Variants in PDPR observed in about 807,000 individuals in gnomAD.
The protein encoded by PDPR is pyruvate dehydrogenase phosphatase regulatory subunit, also known as pyruvate dehydrogenase phosphatase regulatory subunit, mitochondrial.
Under a neutral mutation model 102.2 loss-of-function variants are expected in PDPR, and 50 were observed. The observed-to-expected ratio is 0.49, with a 90% confidence interval of 0.39 to 0.62. PDPR has a LOEUF of 0.62. Ranked by LOEUF, PDPR falls within the 20% of genes least tolerant of loss-of-function variation. The pLI is 0.00. For missense variants in PDPR, 625 were observed against 1,098.2 expected, an observed-to-expected ratio of 0.57 and a Z score of 6.09; for synonymous variants, 259 against 406.0, an observed-to-expected ratio of 0.64 and a Z score of 4.35.
At chr16:70,132,399 A>G in intron 9 of PDPR, 99 bp downstream of exon 9, 2 of 1,246,862 alleles carry the variant, frequency 1.6e-6, no homozygotes, top group Non-Finnish European at 2.3e-6. Context: ...AATGTTTATA[A>G]CATCGCCATG....
At chr16:70,144,103 G>C (rs1966014379) in intron 14 of PDPR, among the ~76,000 whole-genome samples, 1 of 151,936 alleles carries the variant, frequency 6.6e-6, no homozygotes, top group Admixed American at 6.6e-5. Context: ...CATTGCCCAG[G>C]CTGATCTTGA....
intron 9 of PDPR, among the ~76,000 whole-genome samples, chr16:70,132,936 C>T (rs1964691894): frequency 6.6e-6 from 1 of 152,204 alleles, no homozygotes; most frequent in Non-Finnish European, 1.5e-5. Flanking sequence ...CATCAGCCTC[C>T]CAAGTAGCTG....
intron 13 of PDPR, among the ~76,000 whole-genome samples, chr16:70,142,919 G>A (rs1045494944): frequency 2.6e-5 from 4 of 152,246 alleles, no homozygotes; most frequent in Non-Finnish European, 5.9e-5. Context: ...ATTAAGGCCA[G>A]GAGTGGTGGC....
At chr16:70,137,156 C>T (rs1264156832) in intron 10 of PDPR, among the ~76,000 whole-genome samples, 3 of 152,202 alleles carry the variant, frequency 2.0e-5, no homozygotes, top group Non-Finnish European at 4.4e-5. Context: ...ATCGAGACCA[C>T]TCTGGCTAAC....
At chr16:70,135,995 GGA>G (rs1234531200) in intron 9 of PDPR, among the ~76,000 whole-genome samples, 197 bp from the exon 10 acceptor site, 2 of 152,056 alleles carry the variant, frequency 1.3e-5, no homozygotes, top group African/African-American at 4.8e-5. Flanking sequence ...CTTGAACCTG[GGA>G]GGCAGAGGTT....
At position 70,120,687 on chromosome 16, in the gene PDPR, G is replaced by T. The variant is rs370282103; in HGVS notation, c.195G>T (p.Gly65=). ...TSVAYHLSKM[G]WKDIVLLEQG... is the part of the protein sequence containing the mutation. Reference sequence around the variant, plus strand: ...TGGCCTATCACCTCTCCAAAATGGGGTGGAAGGATATTGTCCTTTTGGAGC... The same window carrying T: ...TGGCCTATCACCTCTCCAAAATGGGTTGGAAGGATATTGTCCTTTTGGAGC... Residue 65 remains glycine, a synonymous_variant, in exon 3 of 19, where the codon GGG becomes GGT. Transcript: ENST00000288050. 1.6e-5 allele frequency: 26 copies of T among 1,613,302 alleles called. No homozygotes were observed. The highest frequency in any genetic ancestry group is 2.2e-5 in the Non-Finnish European group (26 of 1,179,412).
chr16:70,141,696 A>G (rs1425801556), intron 11 of PDPR, among the ~76,000 whole-genome samples: 1 of 152,296 alleles, frequency 6.6e-6, no homozygotes, highest in Non-Finnish European at 1.5e-5. Flanking sequence ...AGGCCGAGTC[A>G]TGCCGTGACA....
intron 3 of PDPR, among the ~76,000 whole-genome samples, chr16:70,124,916 C>A (rs929773978): frequency 2.0e-5 from 3 of 152,296 alleles, no homozygotes; most frequent in Admixed American, 6.5e-5. Flanking sequence ...TAGAACCCCC[C>A]ACCTGCTTTC....
At position 70,156,618 on chromosome 16, in the gene PDPR, G is replaced by A. The variant is rs1967235516; in HGVS notation, c.2379G>A (p.Gly793=). The A allele has an allele frequency of 2.5e-6, 4 of 1,613,984 alleles. No homozygotes were observed. In the East Asian group the frequency reaches 6.7e-5, roughly 27 times the overall value. ...GGGGAGAGCCCATTTACCGGAATGG[G>A]CAGTATGTTGGCAAGACCACCAGCA... The part of the protein sequence containing the change: ...PWWGEPIYRN[G]QYVGKTTSSA... Residue 793 remains glycine (G), a synonymous_variant, in exon 19 of 19, where the codon GGG becomes GGA. Transcript: ENST00000288050.
chr16:70,153,586 C>G lies in PDPR; in HGVS notation c.2235+13C>G. The stretch of plus-strand genomic sequence containing the variant: ...GAAATTAGAGAAGGTACTGTGTTTA[C>G]CCAGACTCCACTTTCACTCAGCATC... On this transcript the variant is annotated intron_variant, in intron 18 of 18. Coordinates refer to ENST00000288050, the MANE Select transcript of PDPR (RefSeq NM_017990.5). 1 of 1,585,890 alleles carries G rather than the reference C, an allele frequency of 6.3e-7. No homozygotes were observed. Among genetic ancestry groups the G allele is most frequent in the Non-Finnish European group, 8.6e-7 (1 of 1,166,938 alleles).
rs1420223986 is a variant in PDPR at position 70,159,374 on chromosome 16, G to A, written c.*2495G>A. On this transcript the variant is annotated 3_prime_UTR_variant, in exon 19 of 19. Transcript: ENST00000288050. ...AGGAGGATGGGGGGCTGAGCACTCAGGCTGTCCATTGAAACCCCTTGTCCA... is the reference window on the plus strand; with the variant it reads ...AGGAGGATGGGGGGCTGAGCACTCAAGCTGTCCATTGAAACCCCTTGTCCA... 1 of 152,536 alleles carries A rather than the reference G, an allele frequency of 6.6e-6. No homozygotes were observed. The highest frequency in any genetic ancestry group is 2.4e-5 in the African/African-American group (1 of 41,478). 9.4% of individuals were successfully genotyped at this position (152,536 alleles called of 1,614,324 possible). A position where few individuals can be genotyped will look rare whatever the true frequency, so the allele number is the denominator to read the frequency against.
At chr16:70,120,222 T>C (rs1963092560) in intron 2 of PDPR, 1 of 376,206 alleles carries the variant, frequency 2.7e-6, no homozygotes, top group African/African-American at 2.1e-5. Context: ...GCCTAAGTTT[T>C]TGAATTTTTA....
chr16:70,160,558 C>T lies in PDPR; in HGVS notation c.*3679C>T, dbSNP rs1271872380. On this transcript the variant is annotated 3_prime_UTR_variant, in exon 19 of 19. Transcript: ENST00000288050. ...TGATTAAACCCCGGTTTCACTCTGG[C>T]CCCAGGAGTGGAGCCTGGCCACTCC... 6.6e-6 allele frequency: 1 copy of T among 152,576 alleles called. No homozygotes were observed. Among genetic ancestry groups the T allele is most frequent in the African/African-American group, 2.4e-5 (1 of 41,482 alleles). 9.5% of individuals were successfully genotyped at this position (152,576 alleles called of 1,614,324 possible). A position where few individuals can be genotyped will look rare whatever the true frequency, so the allele number is the denominator to read the frequency against.
At chr16:70,163,031 A>G (rs1322756346), downstream of PDPR, among the ~76,000 whole-genome samples, 1 of 152,192 alleles carries the variant, frequency 6.6e-6, no homozygotes, top group Non-Finnish European at 1.5e-5. Context: ...GCTTACTGCA[A>G]CCTCCACTCC....
intron 3 of PDPR, among the ~76,000 whole-genome samples, chr16:70,121,675 G>C (rs377225102): frequency 0.12 from 15,762 of 135,504 alleles, no homozygotes; most frequent in African/African-American, 0.13. Context: ...CTGGGTGACA[G>C]AGCGAGACTG....
intron 3 of PDPR, among the ~76,000 whole-genome samples, chr16:70,126,024 G>C (rs1963927396): frequency 6.6e-6 from 1 of 152,246 alleles, no homozygotes; most frequent in South Asian, 2.1e-4. Flanking sequence ...TTATGTGTTG[G>C]TAGGTTTGTG....
chr16:70,118,141 A>G (rs1198117634), intron 2 of PDPR, among the ~76,000 whole-genome samples: 1 of 151,842 alleles, frequency 6.6e-6, no homozygotes. Flanking sequence ...AGGGAGGGAA[A>G]CGTTGCAGGT....
chr16:70,146,059 G>A, intron 15 of PDPR, 75 bp from the exon 16 acceptor site: 1 of 1,592,536 alleles, frequency 6.3e-7, no homozygotes, highest in Non-Finnish European at 8.6e-7. Flanking sequence ...AGCTGAGCAA[G>A]TCTACAGTAG....
intron 13 of PDPR, 142 bp downstream of exon 13, chr16:70,142,828 G>A (rs1170150600): frequency 5.8e-6 from 8 of 1,379,976 alleles, no homozygotes; most frequent in Non-Finnish European, 8.0e-6. Context: ...GGAGGCCAAG[G>A]GGGCGTGGAT....
Sources: gnomAD v4.1 joint callset for allele counts (sites outside exome capture counted in the v4.1 genomes callset) on GRCh38, gnomAD v4.1.1 for gene constraint, MANE v1.5 for transcripts, NCBI Gene and HGNC (gene_info 2026-07-23, HGNC 2026-07-21) for gene names.